The following UGT2A3 variants were observed in gnomAD, a reference collection of about 807,000 sequenced individuals.
UGT2A3 encodes UDP glucuronosyltransferase family 2 member A3, also known as UDP-glucuronosyltransferase 2A3.
UGT2A3 carries 55 observed loss-of-function variants against 44.1 expected under a neutral mutation model. The observed-to-expected ratio is 1.25, with a 90% CI of 1.00 to 1.56. UGT2A3 has a LOEUF of 1.56. UGT2A3 is among the 40% of genes most tolerant of loss of function. The pLI is 0.00. For missense variants in UGT2A3, 733 were observed against 621.6 expected, an observed-to-expected ratio of 1.18 and a Z score of -1.91; for synonymous variants, 243 against 215.1, an observed-to-expected ratio of 1.13 and a Z score of -1.13.
At chr4:68,931,636 C>A (rs909718166) in intron 3 of UGT2A3, among the ~76,000 whole-genome samples, 3 of 151,914 alleles carry the variant, frequency 2.0e-5, no homozygotes, top group Non-Finnish European at 4.4e-5. Context: ...ATTTACAGTT[C>A]CCTGCAGATA....
chr4:68,934,801 T>A (rs573214641), intron 2 of UGT2A3, among the ~76,000 whole-genome samples: 2 of 151,846 alleles, frequency 1.3e-5, no homozygotes, highest in African/African-American at 4.8e-5. Context: ...ACTCAGGAGT[T>A]TGGGTTTCAG....
In UGT2A3 at chr4:68,942,317, ATATC is replaced by A. The variant is rs1217840723; in HGVS notation, c.864+2985_864+2988del. 3.7e-5 allele frequency among the ~76,000 whole-genome samples: 5 copies of A among 136,018 alleles called. No individual in the cohort carries two copies. In the East Asian group the frequency reaches 8.1e-4, roughly 22 times the overall value. 89.2% of individuals were successfully genotyped at this position (136,018 alleles called of 152,430 possible). ...TGGATATATATACACACATTTGAAAATATCTCTCTCTCTCTCTCTCTCTATATAT... is the reference window on the plus strand; with the variant it reads ...TGGATATATATACACACATTTGAAAATCTCTCTCTCTCTCTCTCTATATAT... On this transcript the variant is annotated intron_variant, in intron 2 of 5. Coordinates refer to ENST00000251566, the MANE Select transcript of UGT2A3 (RefSeq NM_024743.4).
At position 68,932,276 on chromosome 4, in the gene UGT2A3, C is replaced by CT. The variant is rs199666620; in HGVS notation, c.996+351dup. On this transcript the variant is annotated intron_variant, in intron 3 of 5. Transcript: ENST00000251566. ...GAAGATATTCTTGAGATTGATTCTT[C>CT]TTTTTTTTTTTATATCAGTTTTCCT... Among the ~76,000 whole-genome samples, 467 of 143,824 alleles carry CT rather than the reference C, an allele frequency of 3.2e-3. 1 individual carries two copies. Among genetic ancestry groups the CT allele is most frequent in the Non-Finnish European group, 4.9e-3 (316 of 65,118 alleles). 94.4% of individuals were successfully genotyped at this position (143,824 alleles called of 152,430 possible). A position where few individuals can be genotyped will look rare whatever the true frequency, so the allele number is the denominator to read the frequency against.
rs933019053 is a variant in UGT2A3 at position 68,949,579 on chromosome 4, G to C, written c.715+1467C>G. 2.6e-5 allele frequency among the ~76,000 whole-genome samples: 4 copies of C among 151,882 alleles called. 1 individual carries two copies. Among genetic ancestry groups the C allele is most frequent in the Non-Finnish European group, 4.4e-5 (3 of 67,886 alleles). On this transcript the variant is annotated intron_variant, in intron 1 of 5. Transcript: ENST00000251566. The stretch of plus-strand genomic sequence containing the variant: ...GTGATAGAGTCAAAAGTACACACTT[G>C]CTGTTGGAAATATTACGCCAAATTG...
At chr4:68,950,547 C>T (rs1281557264) in intron 1 of UGT2A3, among the ~76,000 whole-genome samples, 1 of 151,820 alleles carries the variant, frequency 6.6e-6, no homozygotes. Context: ...TTATGCCCCA[C>T]AAGACCGTAA....
At chr4:68,930,506 A>G (rs751443180) in intron 5 of UGT2A3, 40 bp downstream of exon 5, 6 of 1,497,010 alleles carry the variant, frequency 4.0e-6, no homozygotes, top group African/African-American at 1.4e-5. Flanking sequence ...TGTATAACAT[A>G]GTCAATGTTA....
At chr4:68,950,913 T>C in intron 1 of UGT2A3, 133 bp downstream of exon 1, 1 of 610,452 alleles carries the variant, frequency 1.6e-6, no homozygotes, top group Non-Finnish European at 2.6e-6. Flanking sequence ...ATACACTTTC[T>C]TTATGAAAAA....
intron 2 of UGT2A3, 100 bp from the exon 3 acceptor site, chr4:68,932,859 A>G (rs1224952025): frequency 4.2e-6 from 5 of 1,201,848 alleles, no homozygotes; most frequent in Non-Finnish European, 5.9e-6. Flanking sequence ...GAAATTATTA[A>G]TGTGTAGTTA....
At chr4:68,947,550 G>C (rs10903224) in intron 1 of UGT2A3, among the ~76,000 whole-genome samples, 110,706 of 151,576 alleles carry the variant, frequency 0.73, 42,041 homozygotes, top group Non-Finnish European at 0.86. Flanking sequence ...ATGTTAATAT[G>C]TTGACTTCCT....
Position 68,951,725 on chromosome 4 carries a change from G to T in UGT2A3, c.36C>A (p.Leu12=), listed in dbSNP as rs371508320. ...CACAGCCAACACAGAAGAGCTGCAG[G>T]AGCAGAAATACCAAAGCTGACTTGT... ...RSDKSALVFL[L]LQLFCVGCGF... is the part of the protein sequence containing the mutation. Residue 12 remains leucine (L), a synonymous_variant, in exon 1 of 6, where the codon CTC becomes CTA. Transcript: ENST00000251566. 2 of 1,604,044 alleles carry T rather than the reference G, an allele frequency of 1.2e-6. No individual in the cohort carries two copies. Among genetic ancestry groups the T allele is most frequent in the Non-Finnish European group, 1.7e-6 (2 of 1,175,382 alleles).
intron 2 of UGT2A3, among the ~76,000 whole-genome samples, chr4:68,942,518 TATATATATATATATATATATAC>T (rs1194503075): frequency 4.7e-5 from 1 of 21,400 alleles, no homozygotes; most frequent in South Asian, 2.8e-3. Flanking sequence ...TATATATATA[TATATATATATATATATATATAC>T]ATTTTCCAAT....
intron 2 of UGT2A3, among the ~76,000 whole-genome samples, chr4:68,933,257 C>CCATGA (rs1489238606): frequency 1.3e-5 from 2 of 151,974 alleles, no homozygotes; most frequent in African/African-American, 2.4e-5. Flanking sequence ...ATTAAAAAAT[C>CCATGA]CATGACCAGA....
Position 68,945,371 on chromosome 4 carries a change from G to C in UGT2A3, c.799C>G (p.Pro267Ala), listed in dbSNP as rs1418922134. The C allele has an allele frequency of 8.7e-6, 14 of 1,611,284 alleles. No individual in the cohort carries two copies. The highest frequency in any genetic ancestry group is 1.1e-5 in the Non-Finnish European group (13 of 1,178,494). The change falls in exon 2 of 6, where the codon CCA (proline) becomes GCA (alanine). Residue 267 changes from proline (P) to alanine (A), a missense_variant. Transcript: ENST00000251566. Reference sequence around the variant, plus strand: ...ACAAACTCAAAGTTAGGTTGGTATGGTTGAGGAAATTCAAAATCCCAATAT... The same window carrying C: ...ACAAACTCAAAGTTAGGTTGGTATGCTTGAGGAAATTCAAAATCCCAATAT... ...RTYWDFEFPQ[P>A]YQPNFEFVGG...
At position 68,951,430 on chromosome 4, in the gene UGT2A3, T is replaced by A; in HGVS notation, c.331A>T (p.Asn111Tyr). 2 of 1,611,648 alleles carry A rather than the reference T, an allele frequency of 1.2e-6. No homozygotes were observed. The highest frequency in any genetic ancestry group is 1.7e-4 in the Middle Eastern group (1 of 6,028). Residue 111 changes from asparagine (N) to tyrosine (Y), a missense_variant, in exon 1 of 6, where the codon AAT (asparagine) becomes TAT (tyrosine). Asn to Tyr is a moderately radical substitution (Grantham distance 143). Coordinates refer to ENST00000251566, the MANE Select transcript of UGT2A3 (RefSeq NM_024743.4). Reference sequence around the variant, plus strand: ...CCTCTTATTTCAACAAAAAAATCATTTAATTTTATAACTGATTGCCAGGTT... The same window carrying A: ...CCTCTTATTTCAACAAAAAAATCATATAATTTTATAACTGATTGCCAGGTT... Reference protein sequence around the residue: ...LSTWQSVIKLNDFFVEIRGTL... With the variant: ...LSTWQSVIKLYDFFVEIRGTL...
At chr4:68,947,538 T>A (rs775702628) in intron 1 of UGT2A3, among the ~76,000 whole-genome samples, 1 of 151,822 alleles carries the variant, frequency 6.6e-6, no homozygotes, top group Non-Finnish European at 1.5e-5. Flanking sequence ...AAACTCTTGT[T>A]AATGTTAATA....
chr4:68,937,965 A>G (rs986376236), intron 2 of UGT2A3, among the ~76,000 whole-genome samples: 1 of 152,198 alleles, frequency 6.6e-6, no homozygotes, highest in Non-Finnish European at 1.5e-5. Context: ...ATCTAAAGAA[A>G]CGGATGAATT....
chr4:68,935,419 G>C (rs1717912235), intron 2 of UGT2A3, among the ~76,000 whole-genome samples: 1 of 150,714 alleles, frequency 6.6e-6, no homozygotes, highest in Non-Finnish European at 1.5e-5. Context: ...AGGCAAACAG[G>C]GTCTGGAGTG....
chr4:68,943,143 A>T (rs564178100), intron 2 of UGT2A3: 32 of 268,264 alleles, frequency 1.2e-4, no homozygotes, highest in Non-Finnish European at 2.2e-4. Context: ...CTAATAAATT[A>T]TTACTGTATG....
chr4:68,942,504 G>GATATATATATATATATATAT (rs34118122), intron 2 of UGT2A3, among the ~76,000 whole-genome samples: 98 of 130,968 alleles, frequency 7.5e-4, no homozygotes, highest in Non-Finnish European at 1.3e-3. Context: ...TTCCACTGGA[G>GATATATATATATATATATAT]ATATATATAT....
Sources: gnomAD v4.1 joint callset for allele counts (sites outside exome capture counted in the v4.1 genomes callset) on GRCh38, gnomAD v4.1.1 for gene constraint, MANE v1.5 for transcripts, NCBI Gene and HGNC (gene_info 2026-07-23, HGNC 2026-07-21) for gene names.